B4GALT6: variants seen among roughly 807,000 people sequenced by gnomAD.
B4GALT6 encodes UDP-Gal:beta-GlcNAc beta-1,4-galactosyltransferase 6.
B4GALT6 carries 14 observed loss-of-function variants against 46.3 expected under a neutral mutation model. That is an observed-to-expected ratio of 0.30 (90% confidence interval 0.20 to 0.47). The LOEUF (loss-of-function observed/expected upper bound fraction) is 0.47. Among genes scored for constraint, B4GALT6 ranks in the 20% least tolerant of loss-of-function variants. The pLI, the probability that B4GALT6 is intolerant of heterozygous loss-of-function variation, is 0.99. For missense variants in B4GALT6, 386 were observed against 480.1 expected (o/e 0.80, Z 1.83); for synonymous variants, 168 against 162.0 (o/e 1.04, Z -0.28).
At chr18:31,720,345 G>A in the B4GALT6 span, among the ~76,000 whole-genome samples, 5 of 152,340 alleles carry the variant, frequency 3.3e-5, no homozygotes, top group Non-Finnish European at 7.3e-5. Context: ...GTGTTCCCTG[G>A]GAAGGGGCAA....
chr18:31,719,793 C>T, the B4GALT6 span, among the ~76,000 whole-genome samples: 1 of 152,130 alleles, frequency 6.6e-6, no homozygotes, highest in Admixed American at 6.5e-5. Context: ...GTCCTCTGCT[C>T]CTGGATAGAT....
At chr18:31,684,703 G>T (rs376794638), upstream of B4GALT6, 1 of 1,156,866 alleles carries the variant, frequency 8.6e-7, no homozygotes, top group Non-Finnish European at 1.1e-6. Context: ...GCCCGGGGAC[G>T]GCAGGACGGA....
At position 31,635,313 on chromosome 18, in the gene B4GALT6, C is replaced by A. The variant is rs888332866; in HGVS notation, c.588+3331G>T. Among the ~76,000 whole-genome samples, 6 of 150,788 alleles carry A rather than the reference C, an allele frequency of 4.0e-5. No individual in the cohort carries two copies. The South Asian group carries it at 6.3e-4, about 16-fold the overall frequency. On this transcript the variant is annotated intron_variant, in intron 5 of 8. Coordinates refer to ENST00000306851, the MANE Select transcript of B4GALT6 (RefSeq NM_004775.5). ...ACATTATGGGGAATTGAAGTTTACA[C>A]AAAGGAAACTAGCACTTTCCTAGAT...
intron 1 of B4GALT6, among the ~76,000 whole-genome samples, chr18:31,676,082 G>A (rs2074410942): frequency 1.3e-5 from 2 of 152,010 alleles, no homozygotes; most frequent in South Asian, 4.2e-4. Flanking sequence ...TCTACCTTTG[G>A]TCTCTTGATT....
chr18:31,702,434 A>T, the B4GALT6 span, among the ~76,000 whole-genome samples: 236 of 152,334 alleles, frequency 1.5e-3, 1 homozygote, highest in African/African-American at 5.4e-3. Context: ...ACTGGAAATT[A>T]TGCTTATAAA....
intron 2 of B4GALT6, among the ~76,000 whole-genome samples, chr18:31,663,859 C>T (rs1300543663): frequency 6.6e-6 from 1 of 152,168 alleles, no homozygotes; most frequent in African/African-American, 2.4e-5. Context: ...GTTAAATATA[C>T]TAACTATAAT....
upstream of B4GALT6, among the ~76,000 whole-genome samples, chr18:31,688,618 T>G (rs2030010028): frequency 6.6e-6 from 1 of 152,214 alleles, no homozygotes; most frequent in Admixed American, 6.5e-5. Context: ...TGATCTTAGA[T>G]CCAAGATCAT....
At chr18:31,668,225 G>A (rs141824279) in intron 1 of B4GALT6, among the ~76,000 whole-genome samples, 10 of 152,114 alleles carry the variant, frequency 6.6e-5, no homozygotes, top group Non-Finnish European at 1.3e-4. Flanking sequence ...ACCAAATACC[G>A]CATGTTCTCA....
the B4GALT6 span, chr18:31,724,378 T>G: frequency 1.8e-6 from 2 of 1,093,938 alleles, no homozygotes; most frequent in Non-Finnish European, 2.3e-6. Context: ...CCAGCTGACC[T>G]CTGACTCCCT....
At chr18:31,637,798 G>A (rs1043238318) in intron 5 of B4GALT6, among the ~76,000 whole-genome samples, 7 of 152,256 alleles carry the variant, frequency 4.6e-5, no homozygotes, top group African/African-American at 1.4e-4. Flanking sequence ...TAAACACTGC[G>A]AATATAACCA....
chr18:31,625,551 A>G lies in B4GALT6; in HGVS notation c.*63T>C. On this transcript the variant is annotated 3_prime_UTR_variant, in exon 9 of 9. Coordinates refer to ENST00000306851, the MANE Select transcript of B4GALT6 (RefSeq NM_004775.5). Reference sequence around the variant, plus strand: ...ACACAGCCAATCACTGACCTCCACTAAGAGCGCGCTCCAAGTTTATGATCC... The same window carrying G: ...ACACAGCCAATCACTGACCTCCACTGAGAGCGCGCTCCAAGTTTATGATCC... The G allele has an allele frequency of 6.3e-7, 1 of 1,577,258 alleles. No individual in the cohort carries two copies. Among genetic ancestry groups the G allele is most frequent in the African/African-American group, 1.4e-5 (1 of 73,500 alleles).
At chr18:31,669,892 A>C (rs1289558498) in intron 1 of B4GALT6, among the ~76,000 whole-genome samples, 1 of 152,216 alleles carries the variant, frequency 6.6e-6, no homozygotes, top group Admixed American at 6.5e-5. Context: ...ACCTGCCACA[A>C]AGTACTAGAA....
At chr18:31,647,099 T>C (rs144397390) in intron 3 of B4GALT6, among the ~76,000 whole-genome samples, 17 of 152,306 alleles carry the variant, frequency 1.1e-4, no homozygotes, top group Middle Eastern at 6.8e-3. Flanking sequence ...AAGAACAGAA[T>C]CTAACATTGT....
the B4GALT6 span, among the ~76,000 whole-genome samples, chr18:31,697,638 T>C: frequency 1.3e-5 from 2 of 152,196 alleles, no homozygotes; most frequent in Admixed American, 1.3e-4. Flanking sequence ...ATTCCTCCCA[T>C]AGTTAGCTTG....
chr18:31,706,563 G>A, the B4GALT6 span, among the ~76,000 whole-genome samples: 2 of 152,144 alleles, frequency 1.3e-5, no homozygotes, highest in Non-Finnish European at 2.9e-5. Context: ...CCCAGGAGGT[G>A]GAGGCTGTAG....
chr18:31,657,217 A>T (rs572677395), intron 3 of B4GALT6, among the ~76,000 whole-genome samples: 34 of 151,810 alleles, frequency 2.2e-4, no homozygotes, highest in African/African-American at 7.0e-4. Flanking sequence ...ATATATATAT[A>T]TATTTTTTTT....
intron 4 of B4GALT6, among the ~76,000 whole-genome samples, chr18:31,639,044 T>C (rs2073898118): frequency 6.6e-6 from 1 of 152,168 alleles, no homozygotes; most frequent in South Asian, 2.1e-4. Context: ...TCAGATGTGG[T>C]GACTACAAAG....
At chr18:31,710,928 C>T in the B4GALT6 span, among the ~76,000 whole-genome samples, 2 of 151,756 alleles carry the variant, frequency 1.3e-5, no homozygotes, top group East Asian at 3.9e-4. Flanking sequence ...CCAAAACCCT[C>T]CTCCATGTGT....
At chr18:31,652,066 G>A (rs373462692) in intron 3 of B4GALT6, among the ~76,000 whole-genome samples, 31 of 152,116 alleles carry the variant, frequency 2.0e-4, no homozygotes, top group African/African-American at 3.9e-4. Flanking sequence ...CACGGCGCCC[G>A]GCCTCTTCTC....
Sources: gnomAD v4.1 joint callset for allele counts (sites outside exome capture counted in the v4.1 genomes callset) on GRCh38, gnomAD v4.1.1 for gene constraint, MANE v1.5 for transcripts, NCBI Gene and HGNC (gene_info 2026-07-23, HGNC 2026-07-21) for gene names.